POT1: variants seen among roughly 807,000 people sequenced by gnomAD.
POT1 encodes protection of telomeres 1.
POT1 carries 47 observed loss-of-function variants against 78.5 expected under a neutral mutation model. The ratio of observed to expected loss-of-function variants is 0.60; its 90% CI spans 0.47 to 0.76. The LOEUF is 0.76. POT1 is among the 30% of genes least tolerant of loss of function. The probability of loss-of-function intolerance (pLI) is 0.00; values close to 1 mark genes in which losing one functional copy is unlikely to be tolerated. For missense variants in POT1, 646 were observed against 749.9 expected, an observed-to-expected ratio of 0.86 and a Z score of 1.62; for synonymous variants, 259 against 260.7, an observed-to-expected ratio of 0.99 and a Z score of 0.06.
At chr7:124,925,200 G>A (rs548684248) in intron 2 of POT1, among the ~76,000 whole-genome samples, 78 of 152,112 alleles carry the variant, frequency 5.1e-4, no homozygotes, top group African/African-American at 1.8e-3. Context: ...ATATGATCTT[G>A]TATACAGAAA....
At chr7:124,884,260 A>G (rs1796191749) in intron 6 of POT1, among the ~76,000 whole-genome samples, 1 of 152,118 alleles carries the variant, frequency 6.6e-6, no homozygotes, top group South Asian at 2.1e-4. Flanking sequence ...TTAGGGCCCC[A>G]TATCCTAGCA....
intron 9 of POT1, among the ~76,000 whole-genome samples, chr7:124,858,505 TTATAA>T (rs996973285): frequency 7.2e-5 from 11 of 151,748 alleles, no homozygotes; most frequent in African/African-American, 9.6e-5. Context: ...TATTATAAAC[TTATAA>T]TATAAACTTG....
intron 6 of POT1, among the ~76,000 whole-genome samples, chr7:124,874,071 G>C (rs1236291715): frequency 6.6e-6 from 1 of 152,190 alleles, no homozygotes; most frequent in Non-Finnish European, 1.5e-5. Context: ...ACTTCAGGCA[G>C]CATCTTTGTA....
At chr7:124,868,008 G>C (rs1027127630) in intron 7 of POT1, among the ~76,000 whole-genome samples, 3 of 152,010 alleles carry the variant, frequency 2.0e-5, no homozygotes, top group African/African-American at 7.3e-5. Flanking sequence ...CATACTGTCT[G>C]CTTCTTTGCA....
chr7:124,921,801 G>C (rs1797157261), intron 2 of POT1, among the ~76,000 whole-genome samples: 1 of 151,940 alleles, frequency 6.6e-6, no homozygotes, highest in South Asian at 2.1e-4. Context: ...GTATCAAATA[G>C]CCTAATACAT....
intron 3 of POT1, among the ~76,000 whole-genome samples, chr7:124,912,393 T>C (rs2054585): frequency 0.6 from 91,253 of 151,804 alleles, 27,556 homozygotes; most frequent in African/African-American, 0.65. Context: ...TGTTCTAGAA[T>C]ACTCTTACTT....
intron 1 of POT1, chr7:124,929,333 T>A (rs1181840599): frequency 6.6e-6 from 1 of 152,006 alleles, no homozygotes; most frequent in East Asian, 1.9e-4. Context: ...TGTTTTTTTT[T>A]AACCCCCACG....
chr7:124,824,771 A>C (rs936162249), intron 18 of POT1, among the ~76,000 whole-genome samples: 15 of 152,246 alleles, frequency 9.9e-5, no homozygotes, highest in African/African-American at 3.4e-4. Flanking sequence ...TGAAATGAGG[A>C]AGATCTGGTT....
At chr7:124,842,229 TA>T (rs1795044707) in intron 13 of POT1, among the ~76,000 whole-genome samples, 1 of 151,994 alleles carries the variant, frequency 6.6e-6, no homozygotes, top group Admixed American at 6.6e-5. Context: ...GAGGAGCTTT[TA>T]AAAATGATTT....
At chr7:124,913,000 G>T (rs1038348189) in intron 3 of POT1, among the ~76,000 whole-genome samples, 4 of 152,180 alleles carry the variant, frequency 2.6e-5, no homozygotes, top group African/African-American at 9.7e-5. Flanking sequence ...CATAATCAAG[G>T]CGGAAGGCAA....
intron 6 of POT1, 144 bp downstream of exon 6, chr7:124,892,122 G>T: frequency 1.9e-6 from 1 of 515,402 alleles, no homozygotes; most frequent in Non-Finnish European, 3.5e-6. Flanking sequence ...AATTAAACTA[G>T]CCAAAGAATA....
In POT1 at chr7:124,901,686, A is replaced by T. The variant is rs1463095054; in HGVS notation, c.-153-3312T>A. ...AGCTGGACAGAGAATAACTTTGATG[A>T]GTTGGCAGAAGTAGGCTTCAGAAGA... On this transcript the variant is annotated intron_variant, in intron 3 of 18. Transcript: ENST00000357628. 4.6e-5 allele frequency among the ~76,000 whole-genome samples: 7 copies of T among 152,330 alleles called. No individual in the cohort carries two copies. The South Asian group carries it at 1.2e-3, about 27-fold the overall frequency.
chr7:124,909,092 G>T (rs374603515), intron 3 of POT1, among the ~76,000 whole-genome samples: 2 of 151,626 alleles, frequency 1.3e-5, no homozygotes, highest in African/African-American at 4.8e-5. Flanking sequence ...AGGGATACAG[G>T]GAGAAAAAAG....
chr7:124,834,024 T>G (rs1215993315), intron 15 of POT1, among the ~76,000 whole-genome samples: 1 of 152,142 alleles, frequency 6.6e-6, no homozygotes, highest in East Asian at 1.9e-4. Context: ...GATTCCCTAT[T>G]TAATAAATGT....
intron 11 of POT1, 100 bp downstream of exon 11, chr7:124,851,772 T>C (rs1451294771): frequency 4.6e-6 from 4 of 877,114 alleles, no homozygotes; most frequent in Non-Finnish European, 5.5e-6. Flanking sequence ...CATGAAATTA[T>C]TAATAAGAGA....
chr7:124,892,263 T>A lies in POT1; in HGVS notation c.124+3A>T. 6.7e-7 allele frequency: 1 copy of A among 1,501,444 alleles called. No homozygotes were observed. Among genetic ancestry groups the A allele is most frequent in the Non-Finnish European group, 8.9e-7 (1 of 1,119,842 alleles). 93.0% of individuals were successfully genotyped at this position (1,501,444 alleles called of 1,614,324 possible). A position where few individuals can be genotyped will look rare whatever the true frequency, so the allele number is the denominator to read the frequency against. On this transcript the variant is annotated splice_donor_region_variant and intron_variant, in intron 6 of 18. Coordinates refer to ENST00000357628, the MANE Select transcript of POT1 (RefSeq NM_015450.3). ...AAAAAACTCCACCAGTTTTAATACC[T>A]ACCAGTTCCTTTGCTTAGATATGGG...
chr7:124,909,765 T>A (rs1295825903), intron 3 of POT1, among the ~76,000 whole-genome samples: 1 of 151,932 alleles, frequency 6.6e-6, no homozygotes, highest in Non-Finnish European at 1.5e-5. Flanking sequence ...CACTAATACC[T>A]AATGTAATGT....
intron 5 of POT1, among the ~76,000 whole-genome samples, chr7:124,893,081 AATCATCCTAGCT>A (rs1452124422): frequency 6.6e-6 from 1 of 151,442 alleles, no homozygotes; most frequent in African/African-American, 2.4e-5. Context: ...TTAGTAATTA[AATCATCCTAGCT>A]ATCTTTAAGT....
intron 6 of POT1, among the ~76,000 whole-genome samples, chr7:124,890,583 A>G (rs1341624095): frequency 6.6e-6 from 1 of 151,884 alleles, no homozygotes; most frequent in Non-Finnish European, 1.5e-5. Flanking sequence ...TTATTTTAAT[A>G]AACTGTCACA....
Sources: allele counts gnomAD v4.1 joint callset (sites outside exome capture counted in the v4.1 genomes callset), GRCh38; gene constraint gnomAD v4.1.1; transcripts MANE v1.5; gene names NCBI Gene and HGNC (gene_info 2026-07-23, HGNC 2026-07-21).